The following NEDD4L variants were observed in gnomAD, a reference collection of about 807,000 sequenced individuals.
The protein encoded by NEDD4L is E3 ubiquitin-protein ligase NEDD4-like.
In NEDD4L, 54 loss-of-function variants were observed where a neutral mutation model predicts 148.9. That is an observed-to-expected ratio of 0.36 (90% CI 0.29 to 0.45). The LOEUF (loss-of-function observed/expected upper bound fraction) is 0.45, where lower values mean the gene tolerates loss of function less well. Ranked by LOEUF, NEDD4L falls within the 20% of genes least tolerant of loss-of-function variation. NEDD4L has a pLI of 1.00. For missense variants in NEDD4L, 856 were observed against 1,233.8 expected, an observed-to-expected ratio of 0.69 and a Z score of 4.59; for synonymous variants, 433 against 440.7, an observed-to-expected ratio of 0.98 and a Z score of 0.22.
At chr18:58,347,095 C>T (rs950750791) in intron 16 of NEDD4L, among the ~76,000 whole-genome samples, 7 of 152,002 alleles carry the variant, frequency 4.6e-5, no homozygotes, top group African/African-American at 1.7e-4. Context: ...GGTTTCCATG[C>T]AAGGCCACTT....
chr18:58,234,363 G>C (rs377706041), intron 2 of NEDD4L, among the ~76,000 whole-genome samples: 3 of 124,364 alleles, frequency 2.4e-5, no homozygotes, highest in African/African-American at 9.6e-5. Context: ...TCAGGGTCTT[G>C]TTCTGTCATC....
In NEDD4L at chr18:58,366,607, G is replaced by T. The variant is rs952188922; in HGVS notation, c.2063+379G>T. Reference sequence around the variant, plus strand: ...ACAAGAGTCGTTTCTGAGGTCTCCTGTGTAAAGGCAAATTGTAAGGACTTT... The same window carrying T: ...ACAAGAGTCGTTTCTGAGGTCTCCTTTGTAAAGGCAAATTGTAAGGACTTT... On this transcript the variant is annotated intron_variant, in intron 21 of 30. Transcript: ENST00000400345. This position sits in a 1 kb window ranked among gnomAD's most constrained non-coding sequence, Gnocchi z 4.2. The T allele has an allele frequency of 8.6e-5, 14 of 162,370 alleles. No individual in the cohort carries two copies. Among genetic ancestry groups the T allele is most frequent in the Non-Finnish European group, 1.3e-4 (10 of 75,038 alleles). 10.1% of individuals were successfully genotyped at this position (162,370 alleles called of 1,614,324 possible).
In NEDD4L at chr18:58,335,544, A is replaced by T. The variant is rs1203350223; in HGVS notation, c.1125+7A>T. The T allele has an allele frequency of 6.2e-7, 1 of 1,609,188 alleles. No homozygotes were observed. The highest frequency in any genetic ancestry group is 2.2e-5 in the East Asian group (1 of 44,856). On this transcript the variant is annotated splice_region_variant and intron_variant, in intron 13 of 30. Transcript: ENST00000400345. ...GGGTGGTGAGGAACCAACGGTAATG[A>T]TCCACTTTATCAGACATCAATAGCA...
intron 2 of NEDD4L, among the ~76,000 whole-genome samples, chr18:58,234,938 C>A (rs1600065525): frequency 6.6e-6 from 1 of 152,160 alleles, no homozygotes; most frequent in East Asian, 1.9e-4. Context: ...AGGGAGGAAT[C>A]CCTTCCCTCC....
At chr18:58,349,254 C>G (rs1300019829) in intron 16 of NEDD4L, among the ~76,000 whole-genome samples, 2 of 152,134 alleles carry the variant, frequency 1.3e-5, no homozygotes, top group Non-Finnish European at 2.9e-5. Context: ...ACTGCTGGGA[C>G]TCTCTTCCCC....
chr18:58,121,196 A>G (rs1480097933), intron 1 of NEDD4L, among the ~76,000 whole-genome samples: 1 of 152,140 alleles, frequency 6.6e-6, no homozygotes, highest in African/African-American at 2.4e-5. Context: ...AGTAGAGGAC[A>G]CAACAGAGAA....
intron 16 of NEDD4L, among the ~76,000 whole-genome samples, chr18:58,349,113 C>T (rs2043525890): frequency 1.3e-5 from 2 of 152,106 alleles, no homozygotes; most frequent in African/African-American, 4.8e-5. Flanking sequence ...GAGGCCTATT[C>T]CCTAACGTGT....
intron 8 of NEDD4L, among the ~76,000 whole-genome samples, chr18:58,324,429 G>A (rs756601087): frequency 6.6e-5 from 10 of 152,158 alleles, no homozygotes; most frequent in Admixed American, 3.9e-4. Context: ...TGGCTCCTGC[G>A]GTTGTTTGGG....
At chr18:58,253,829 A>G (rs140487886) in intron 5 of NEDD4L, among the ~76,000 whole-genome samples, 29 of 152,326 alleles carry the variant, frequency 1.9e-4, no homozygotes, top group Middle Eastern at 3.4e-3. Flanking sequence ...CTGGGTCTGA[A>G]ATCATACTTC....
At chr18:58,231,693 G>C (rs2045259896) in intron 2 of NEDD4L, among the ~76,000 whole-genome samples, 1 of 152,158 alleles carries the variant, frequency 6.6e-6, no homozygotes, top group Admixed American at 6.5e-5. Context: ...CTCCCAAGTA[G>C]CTGGGATTAC....
chr18:58,238,951 A>AT (rs1018513327), intron 2 of NEDD4L, among the ~76,000 whole-genome samples: 2 of 152,076 alleles, frequency 1.3e-5, no homozygotes, highest in African/African-American at 4.8e-5. Context: ...CACATTCTAG[A>AT]TTTTTTCTAT....
At chr18:58,386,775 G>A (rs2049085902) in intron 26 of NEDD4L, among the ~76,000 whole-genome samples, 2 of 152,178 alleles carry the variant, frequency 1.3e-5, no homozygotes, top group East Asian at 1.9e-4. Flanking sequence ...ATGCGTGAAA[G>A]CCCGGGCAGC....
chr18:58,227,322 G>C (rs1170878886), intron 2 of NEDD4L, among the ~76,000 whole-genome samples: 1 of 152,192 alleles, frequency 6.6e-6, no homozygotes, highest in Admixed American at 6.5e-5. Flanking sequence ...GCAGACCCCG[G>C]AGACTTAGGA....
chr18:58,168,178 C>T (rs1010888075), intron 2 of NEDD4L, among the ~76,000 whole-genome samples: 2 of 152,180 alleles, frequency 1.3e-5, no homozygotes, highest in Non-Finnish European at 2.9e-5. Flanking sequence ...CTGAATCCTG[C>T]TTCTGGTCTT....
At chr18:58,112,755 G>T (rs1196715571) in intron 1 of NEDD4L, among the ~76,000 whole-genome samples, 1 of 152,198 alleles carries the variant, frequency 6.6e-6, no homozygotes, top group Non-Finnish European at 1.5e-5. Flanking sequence ...CTCCCAAAGT[G>T]CTGGGATTAC....
intron 1 of NEDD4L, among the ~76,000 whole-genome samples, chr18:58,115,601 A>G (rs181446480): frequency 3.3e-4 from 51 of 152,276 alleles, no homozygotes; most frequent in African/African-American, 9.6e-4. Context: ...GTCTGAATTG[A>G]GAATGGGGAT....
At chr18:58,315,926 A>T in intron 5 of NEDD4L, 56 bp from the exon 6 acceptor site, 1 of 1,408,996 alleles carries the variant, frequency 7.1e-7, no homozygotes, top group Non-Finnish European at 1.0e-6. Flanking sequence ...TTTTTAGGAA[A>T]TGCTGACGCT....
intron 5 of NEDD4L, among the ~76,000 whole-genome samples, chr18:58,311,934 G>C (rs1386162277): frequency 6.6e-6 from 1 of 152,202 alleles, no homozygotes; most frequent in Non-Finnish European, 1.5e-5. Context: ...CTTGGTGGCA[G>C]CATACCCCTC....
chr18:58,051,279 A>G (rs1455000319), intron 1 of NEDD4L, among the ~76,000 whole-genome samples: 1 of 152,224 alleles, frequency 6.6e-6, no homozygotes, highest in Non-Finnish European at 1.5e-5. Flanking sequence ...GCAAACAAAC[A>G]AAGATCACCC....
Sources: gnomAD v4.1 joint callset for allele counts (sites outside exome capture counted in the v4.1 genomes callset) on GRCh38, gnomAD v4.1.1 for gene constraint, Gnocchi (gnomAD v3.1) non-coding constraint, MANE v1.5 for transcripts, NCBI Gene and HGNC (gene_info 2026-07-23, HGNC 2026-07-21) for gene names.